Variants in SHISA9 observed in about 807,000 individuals in gnomAD.
The protein encoded by SHISA9 is shisa family member 9, also known as protein shisa-9.
Under a neutral mutation model 38.0 loss-of-function variants are expected in SHISA9, and 13 were observed. The observed-to-expected ratio is 0.34, with a 90% CI of 0.22 to 0.54. SHISA9 has a LOEUF of 0.54. SHISA9 is among the 20% of genes least tolerant of loss of function. The pLI, the probability that SHISA9 is intolerant of heterozygous loss-of-function variation, is 0.91. For missense variants in SHISA9, 538 were observed against 575.8 expected, an observed-to-expected ratio of 0.93 and a Z score of 0.67; for synonymous variants, 275 against 242.0, an observed-to-expected ratio of 1.14 and a Z score of -1.27.
the SHISA9 span, among the ~76,000 whole-genome samples, chr16:13,271,316 A>C: frequency 3.9e-5 from 6 of 152,184 alleles, no homozygotes; most frequent in Non-Finnish European, 7.3e-5. Flanking sequence ...AAAGCTTTGG[A>C]AACAAATAAG....
chr16:13,145,451 C>T (rs1017039711), intron 2 of SHISA9, among the ~76,000 whole-genome samples: 7 of 152,240 alleles, frequency 4.6e-5, no homozygotes, highest in East Asian at 3.9e-4. Flanking sequence ...TGCTTGAACC[C>T]GGGAGGCGGG....
chr16:13,333,792 G>C, the SHISA9 span, among the ~76,000 whole-genome samples: 4 of 152,144 alleles, frequency 2.6e-5, no homozygotes, highest in African/African-American at 7.2e-5. Context: ...AAAGGGAGGG[G>C]GAAGTTGGGG....
the SHISA9 span, among the ~76,000 whole-genome samples, chr16:13,512,518 T>C: frequency 5.9e-5 from 9 of 152,112 alleles, 1 homozygote; most frequent in South Asian, 4.1e-4. Flanking sequence ...AAATTTCATA[T>C]GGAACCAAAA....
At chr16:13,359,407 T>C in the SHISA9 span, among the ~76,000 whole-genome samples, 388 of 152,278 alleles carry the variant, frequency 2.5e-3, 7 homozygotes, top group East Asian at 0.014. Flanking sequence ...TGCTTCAGCC[T>C]GGGAGGCAGA....
At chr16:13,214,407 C>A (rs1215178457) in intron 4 of SHISA9, among the ~76,000 whole-genome samples, 1 of 152,092 alleles carries the variant, frequency 6.6e-6, no homozygotes, top group East Asian at 1.9e-4. Flanking sequence ...GGGGTTTCAC[C>A]GTGTTGGCCA....
intron 2 of SHISA9, among the ~76,000 whole-genome samples, chr16:13,175,820 C>T (rs879391746): frequency 6.6e-6 from 1 of 152,160 alleles, no homozygotes; most frequent in Non-Finnish European, 1.5e-5. Flanking sequence ...CACACTTTCA[C>T]GTGCTTCCAA....
chr16:13,514,394 C>T, the SHISA9 span, among the ~76,000 whole-genome samples: 2 of 151,806 alleles, frequency 1.3e-5, no homozygotes, highest in East Asian at 1.9e-4. Flanking sequence ...ATCAATCAAA[C>T]CAGACTCAGA....
intron 2 of SHISA9, among the ~76,000 whole-genome samples, chr16:12,925,977 C>T (rs118148569): frequency 0.015 from 2,274 of 152,224 alleles, 22 homozygotes; most frequent in Non-Finnish European, 0.024. Context: ...CCACCTGCCT[C>T]GGCCTCCCAA....
At chr16:13,167,072 C>CTTTTTTTTTTTTTTTTTTTTTTTTTT (rs11372669) in intron 2 of SHISA9, among the ~76,000 whole-genome samples, 2 of 124,432 alleles carry the variant, frequency 1.6e-5, no homozygotes, top group African/African-American at 3.0e-5. Context: ...TCTCTTTTTT[C>CTTTTTTTTTTTTTTTTTTTTTTTTTT]TTTTTTTTTT....
At chr16:13,274,571 T>G in the SHISA9 span, among the ~76,000 whole-genome samples, 1 of 152,118 alleles carries the variant, frequency 6.6e-6, no homozygotes, top group African/African-American at 2.4e-5. Context: ...GTGAAGTGGT[T>G]GTTAATTCCC....
At chr16:13,196,375 C>G (rs1430955277) in intron 2 of SHISA9, among the ~76,000 whole-genome samples, 2 of 130,244 alleles carry the variant, frequency 1.5e-5, no homozygotes. Flanking sequence ...CCAGCCTGGG[C>G]GACAGAGCGA....
chr16:13,203,019 A>G (rs906470440), intron 2 of SHISA9, among the ~76,000 whole-genome samples: 3 of 152,200 alleles, frequency 2.0e-5, no homozygotes, highest in Admixed American at 6.5e-5. Flanking sequence ...ATCTGTTGGC[A>G]AAGGAATGGC....
At chr16:12,998,221 C>G (rs2072482256) in intron 2 of SHISA9, among the ~76,000 whole-genome samples, 1 of 152,202 alleles carries the variant, frequency 6.6e-6, no homozygotes, top group Non-Finnish European at 1.5e-5. Flanking sequence ...AGCAGGTTTA[C>G]TTCATAGAGC....
At chr16:13,019,968 T>TTTCCTTCG (rs1555455228) in intron 2 of SHISA9, among the ~76,000 whole-genome samples, 3 of 43,196 alleles carry the variant, frequency 6.9e-5, no homozygotes, top group African/African-American at 2.7e-4. Flanking sequence ...TCCCTCCTTC[T>TTTCCTTCG]TTCCTTCCTT....
the SHISA9 span, among the ~76,000 whole-genome samples, chr16:13,322,998 A>G: frequency 4.6e-5 from 7 of 152,316 alleles, no homozygotes; most frequent in Admixed American, 1.3e-4. Flanking sequence ...CTGATAGATC[A>G]GTAATCTCAG....
At chr16:13,409,016 C>T in the SHISA9 span, among the ~76,000 whole-genome samples, 1 of 152,138 alleles carries the variant, frequency 6.6e-6, no homozygotes, top group Non-Finnish European at 1.5e-5. Context: ...CTATCCTGTA[C>T]CCGTATAAAC....
At chr16:13,153,873 C>T (rs556562373) in intron 2 of SHISA9, among the ~76,000 whole-genome samples, 6 of 147,614 alleles carry the variant, frequency 4.1e-5, no homozygotes, top group Non-Finnish European at 7.4e-5. Context: ...GATATAATTA[C>T]ATTTGTGAAG....
chr16:13,330,113 T>A, the SHISA9 span, among the ~76,000 whole-genome samples: 1 of 152,212 alleles, frequency 6.6e-6, no homozygotes, highest in Non-Finnish European at 1.5e-5. Flanking sequence ...GTTGTGGGAA[T>A]GACTATATGG....
chr16:13,192,093 G>A (rs530222919), intron 2 of SHISA9, among the ~76,000 whole-genome samples: 2 of 152,232 alleles, frequency 1.3e-5, no homozygotes, highest in East Asian at 3.9e-4. Flanking sequence ...TGGAGCTGGA[G>A]GCCATTTTTC....
Sources: allele counts gnomAD v4.1 joint callset (sites outside exome capture counted in the v4.1 genomes callset), GRCh38; gene constraint gnomAD v4.1.1; transcripts MANE v1.5; gene names NCBI Gene and HGNC (gene_info 2026-07-23, HGNC 2026-07-21).